Variants in TBC1D15 observed in about 807,000 individuals in gnomAD.
TBC1D15 encodes GAP for RAB7.
In TBC1D15, 39 loss-of-function variants were observed where a neutral mutation model predicts 95.4. The observed-to-expected ratio is 0.41, with a 90% CI of 0.32 to 0.53. The LOEUF (loss-of-function observed/expected upper bound fraction) is 0.53. TBC1D15 is among the 20% of genes least tolerant of loss of function. The probability of loss-of-function intolerance (pLI) is 0.29; values close to 1 mark genes in which losing one functional copy is unlikely to be tolerated. For missense variants in TBC1D15, 733 were observed against 794.3 expected (o/e 0.92, Z 0.93); for synonymous variants, 258 against 261.3 (o/e 0.99, Z 0.12).
intron 1 of TBC1D15, among the ~76,000 whole-genome samples, chr12:71,859,195 A>G (rs1052319656): frequency 6.6e-6 from 1 of 152,108 alleles, no homozygotes; most frequent in East Asian, 1.9e-4. Context: ...GAGGATTGCA[A>G]TCCAGTAGCA....
At chr12:71,916,666 G>A (rs368997363) in intron 12 of TBC1D15, among the ~76,000 whole-genome samples, 13 of 152,096 alleles carry the variant, frequency 8.5e-5, no homozygotes, top group African/African-American at 2.7e-4. Flanking sequence ...GGGTTAGGGC[G>A]GTAGGTTACC....
intron 5 of TBC1D15, among the ~76,000 whole-genome samples, chr12:71,888,847 T>C (rs1896730898): frequency 8.8e-6 from 1 of 113,054 alleles, no homozygotes; most frequent in Non-Finnish European, 1.8e-5. Context: ...CATGTTTCTT[T>C]TTTTTTTTTT....
chr12:71,874,207 C>T (rs1452568752), intron 3 of TBC1D15, among the ~76,000 whole-genome samples: 1 of 152,170 alleles, frequency 6.6e-6, no homozygotes, highest in African/African-American at 2.4e-5. Flanking sequence ...ACCAGCCTAA[C>T]AAATCGAGTC....
chr12:71,923,466 G>A lies in TBC1D15; in HGVS notation c.*262G>A. The stretch of plus-strand genomic sequence containing the variant: ...CATTTTATTTTCTTGCTGATGAACT[G>A]GAATTGGATAAATATTGCAAGTGGA... On this transcript the variant is annotated 3_prime_UTR_variant, in exon 17 of 17. Transcript: ENST00000485960. The A allele has an allele frequency of 2.8e-6, 1 of 354,270 alleles. No individual in the cohort carries two copies. The highest frequency in any genetic ancestry group is 5.1e-6 in the Non-Finnish European group (1 of 194,226). 21.9% of individuals were successfully genotyped at this position (354,270 alleles called of 1,614,324 possible). A position where few individuals can be genotyped will look rare whatever the true frequency, so the allele number is the denominator to read the frequency against.
intron 1 of TBC1D15, among the ~76,000 whole-genome samples, chr12:71,841,933 C>G (rs1184170366): frequency 6.6e-6 from 1 of 151,970 alleles, no homozygotes; most frequent in East Asian, 1.9e-4. Flanking sequence ...AATCTTTTTT[C>G]TTTAGGAAAG....
At chr12:71,861,502 T>C in intron 1 of TBC1D15, 2 of 1,532,268 alleles carry the variant, frequency 1.3e-6, no homozygotes, top group Non-Finnish European at 8.8e-7. Flanking sequence ...GTATGGTAGG[T>C]AGTCTCTCTA....
intron 16 of TBC1D15, among the ~76,000 whole-genome samples, chr12:71,922,210 G>A (rs968146660): frequency 2.0e-5 from 3 of 151,918 alleles, no homozygotes; most frequent in Non-Finnish European, 4.4e-5. Flanking sequence ...TCAGCTTCCC[G>A]AGTAGCTAGG....
intron 5 of TBC1D15, among the ~76,000 whole-genome samples, chr12:71,888,092 G>A (rs1412746158): frequency 6.6e-6 from 1 of 152,200 alleles, no homozygotes; most frequent in South Asian, 2.1e-4. Flanking sequence ...GTTAATAGGG[G>A]TATATGTATC....
At chr12:71,860,411 CCTT>C (rs1292953849) in intron 1 of TBC1D15, among the ~76,000 whole-genome samples, 1 of 152,070 alleles carries the variant, frequency 6.6e-6, no homozygotes, top group Non-Finnish European at 1.5e-5. Context: ...TTTATGTCCT[CCTT>C]AAGTTTTCAT....
At chr12:71,892,422 T>C (rs1420511438) in intron 5 of TBC1D15, among the ~76,000 whole-genome samples, 3 of 152,036 alleles carry the variant, frequency 2.0e-5, no homozygotes, top group Admixed American at 2.0e-4. Context: ...AATTTTTATT[T>C]TAAACATAGA....
chr12:71,914,477 A>G (rs1245521089), intron 12 of TBC1D15, among the ~76,000 whole-genome samples: 2 of 152,030 alleles, frequency 1.3e-5, no homozygotes, highest in Admixed American at 1.3e-4. Flanking sequence ...AGAACATTTT[A>G]TCTATTATCA....
At chr12:71,904,147 A>C (rs1900114345) in intron 10 of TBC1D15, among the ~76,000 whole-genome samples, 2 of 152,242 alleles carry the variant, frequency 1.3e-5, no homozygotes, top group Non-Finnish European at 2.9e-5. Context: ...AGAGCCACAG[A>C]GAAAGATTGA....
chr12:71,850,754 C>T (rs1456350455), intron 1 of TBC1D15, among the ~76,000 whole-genome samples: 10 of 151,904 alleles, frequency 6.6e-5, no homozygotes, highest in South Asian at 2.1e-4. Flanking sequence ...TTTGGGAGAC[C>T]GAGGTGGGTG....
At position 71,896,041 on chromosome 12, in the gene TBC1D15, A is replaced by G. The variant is rs368647966; in HGVS notation, c.950A>G (p.Asn317Ser). 6 of 1,611,594 alleles carry G rather than the reference A, an allele frequency of 3.7e-6. No homozygotes were observed. The highest frequency in any genetic ancestry group is 2.7e-5 in the African/African-American group (2 of 74,844). ...ATTGATTCTGAAGGAAGAATTTTAA[A>G]TGTAGATAATATGAAGCAGATGATA... ...KNIDSEGRILNVDNMKQMIFR... is the reference protein window; with the variant it reads ...KNIDSEGRILSVDNMKQMIFR... The change falls in exon 8 of 17, where the codon AAT becomes AGT. Residue 317 changes from asparagine to serine, a missense_variant. Asn to Ser is a conservative substitution (Grantham distance 46). Coordinates refer to ENST00000485960, the MANE Select transcript of TBC1D15 (RefSeq NM_001146213.3).
intron 10 of TBC1D15, among the ~76,000 whole-genome samples, chr12:71,905,419 G>A (rs1900452023): frequency 6.6e-6 from 1 of 152,038 alleles, no homozygotes; most frequent in Non-Finnish European, 1.5e-5. Context: ...TCAACTTCCT[G>A]GGCTCAGATG....
intron 1 of TBC1D15, among the ~76,000 whole-genome samples, chr12:71,858,374 C>T (rs931390239): frequency 6.6e-6 from 1 of 151,358 alleles, no homozygotes; most frequent in African/African-American, 2.4e-5. Flanking sequence ...GCCCGGCCAC[C>T]ACATTTTCTT....
intron 10 of TBC1D15, among the ~76,000 whole-genome samples, chr12:71,903,613 C>T (rs1012719193): frequency 4.6e-5 from 7 of 152,176 alleles, no homozygotes; most frequent in African/African-American, 1.7e-4. Context: ...GACATGAAAT[C>T]AGCCTAGATG....
At chr12:71,892,252 C>T (rs1566022961) in intron 5 of TBC1D15, among the ~76,000 whole-genome samples, 1 of 152,016 alleles carries the variant, frequency 6.6e-6, no homozygotes, top group African/African-American at 2.4e-5. Context: ...CTGTTCCTGA[C>T]TGTGTAAGAA....
chr12:71,913,966 A>G, intron 12 of TBC1D15, 40 bp downstream of exon 12: 1 of 1,448,446 alleles, frequency 6.9e-7, no homozygotes, highest in Non-Finnish European at 9.4e-7. Context: ...GATTTTTAAA[A>G]TTTTAGTTGT....
Sources: allele counts gnomAD v4.1 joint callset (sites outside exome capture counted in the v4.1 genomes callset), GRCh38; gene constraint gnomAD v4.1.1; transcripts MANE v1.5; gene names NCBI Gene and HGNC (gene_info 2026-07-23, HGNC 2026-07-21).